Variants in SMIM40 observed in about 807,000 individuals in gnomAD.
SMIM40 encodes small integral membrane protein 40.
At chr6:33,324,947 T>C (rs1250708056) in intron 1 of SMIM40, among the ~76,000 whole-genome samples, 1 of 139,198 alleles carries the variant, frequency 7.2e-6, no homozygotes, top group Admixed American at 7.5e-5. Flanking sequence ...TCACCCAGGC[T>C]GGAATGCGGT....
intron 1 of SMIM40, 83 bp from the exon 2 acceptor site, chr6:33,324,113 A>G (rs1373158022): frequency 1.3e-5 from 2 of 152,148 alleles, no homozygotes; most frequent in Non-Finnish European, 2.9e-5. Flanking sequence ...TTGCCACTTA[A>G]CTAGGGTCAC....
intron 1 of SMIM40, among the ~76,000 whole-genome samples, chr6:33,324,545 C>CTTTTTTTTTTTTTTTTTTTTCTTTTTT (rs1771016693): frequency 1.6e-4 from 16 of 103,212 alleles, no homozygotes; most frequent in East Asian, 8.5e-4. Flanking sequence ...ACCACCTTTT[C>CTTTTTTTTTTTTTTTTTTTTCTTTTTT]TTTTTTTTTT....
intron 1 of SMIM40, among the ~76,000 whole-genome samples, chr6:33,325,037 G>A (rs1472013928): frequency 2.0e-5 from 3 of 151,632 alleles, no homozygotes; most frequent in Admixed American, 1.3e-4. Flanking sequence ...GACTACAGGC[G>A]CACACCACCT....
chr6:33,324,509 G>GTTTC (rs1392965137), intron 1 of SMIM40, among the ~76,000 whole-genome samples: 1 of 116,812 alleles, frequency 8.6e-6, no homozygotes, highest in African/African-American at 3.2e-5. Flanking sequence ...AATGTACCCT[G>GTTTC]TTTCTTTCAC....
chr6:33,327,106 A>G (rs1771244152), intron 1 of SMIM40, among the ~76,000 whole-genome samples: 1 of 147,770 alleles, frequency 6.8e-6, no homozygotes, highest in Non-Finnish European at 1.5e-5. Context: ...CATGGGCAAC[A>G]CAGAGAGACT....
At chr6:33,326,091 T>C (rs1771153014) in intron 1 of SMIM40, among the ~76,000 whole-genome samples, 1 of 148,776 alleles carries the variant, frequency 6.7e-6, no homozygotes, top group Non-Finnish European at 1.5e-5. Context: ...GGAGTAGTAG[T>C]AGGAGCTCAA....
intron 1 of SMIM40, among the ~76,000 whole-genome samples, chr6:33,326,112 G>A (rs1771154417): frequency 6.7e-6 from 1 of 148,890 alleles, no homozygotes; most frequent in Non-Finnish European, 1.5e-5. Context: ...GGAAAAAAGA[G>A]GTGATGAAAG....
At chr6:33,327,872 A>AAAAG (rs1348703463) in intron 1 of SMIM40, among the ~76,000 whole-genome samples, 2 of 150,146 alleles carry the variant, frequency 1.3e-5, no homozygotes, top group East Asian at 3.9e-4. Flanking sequence ...AAAAAAAAAA[A>AAAAG]AAAAAAAAGA....
At chr6:33,327,293 G>C (rs1011743256) in intron 1 of SMIM40, among the ~76,000 whole-genome samples, 1 of 148,974 alleles carries the variant, frequency 6.7e-6, no homozygotes, top group Non-Finnish European at 1.5e-5. Flanking sequence ...GTGGTGGCTC[G>C]CGCCTTTAGT....
At chr6:33,324,545 C>CTTTTTTTTTTTTTTTTTTTTCTTTTT (rs1771016693) in intron 1 of SMIM40, among the ~76,000 whole-genome samples, 75 of 103,210 alleles carry the variant, frequency 7.3e-4, no homozygotes, top group East Asian at 1.1e-3. Context: ...ACCACCTTTT[C>CTTTTTTTTTTTTTTTTTTTTCTTTTT]TTTTTTTTTT....
chr6:33,326,775 G>A lies in SMIM40; in HGVS notation c.*39+2212C>T, dbSNP rs563499856. ...GGAGGCAAAAGTTGCAGTGAGCCAA[G>A]ATCACGCCACTGCACTCCAGCCTGG... On this transcript the variant is annotated intron_variant, in intron 1 of 2. Transcript: ENST00000494082. Among the ~76,000 whole-genome samples the A allele has an allele frequency of 2.0e-5, 3 of 148,688 alleles. No individual in the cohort carries two copies. In the East Asian group the frequency reaches 5.9e-4, roughly 29 times the overall value.
chr6:33,328,514 T>G (rs1771352431), intron 1 of SMIM40, among the ~76,000 whole-genome samples: 1 of 151,924 alleles, frequency 6.6e-6, no homozygotes, highest in Non-Finnish European at 1.5e-5. Context: ...TGATGAAAAT[T>G]TTTAGATACC....
intron 1 of SMIM40, among the ~76,000 whole-genome samples, chr6:33,325,162 T>C (rs190682745): frequency 0.012 from 1,839 of 147,612 alleles, 153 homozygotes; most frequent in African/African-American, 0.045. Context: ...AGGTCGGAAG[T>C]TTGAGACCAG....
chr6:33,328,995 T>C lies in SMIM40; in HGVS notation c.*31A>G. The C allele has an allele frequency of 2.5e-6, 1 of 392,918 alleles. No homozygotes were observed. Among genetic ancestry groups the C allele is most frequent in the Non-Finnish European group, 4.5e-6 (1 of 222,862 alleles). 24.3% of individuals were successfully genotyped at this position (392,918 alleles called of 1,614,324 possible). Reference sequence around the variant, plus strand: ...CCTGTCTCCCCTCTCACCTCCTTGGTGGGGAAAGAAGATGTTTATAGGAAA... The same window carrying C: ...CCTGTCTCCCCTCTCACCTCCTTGGCGGGGAAAGAAGATGTTTATAGGAAA... On this transcript the variant is annotated 3_prime_UTR_variant, in exon 1 of 3. Coordinates refer to ENST00000494082, the MANE Select transcript of SMIM40 (RefSeq NM_001369203.1).
At chr6:33,328,190 A>T (rs1771330426) in intron 1 of SMIM40, among the ~76,000 whole-genome samples, 2 of 151,124 alleles carry the variant, frequency 1.3e-5, no homozygotes, top group Admixed American at 6.6e-5. Context: ...ATTTTTATTT[A>T]TTTATTTATT....
chr6:33,326,996 C>T (rs375193281), intron 1 of SMIM40, among the ~76,000 whole-genome samples: 21 of 147,684 alleles, frequency 1.4e-4, no homozygotes, highest in Admixed American at 4.7e-4. Context: ...TAGTGGCGGG[C>T]GCCTGTAGTC....
Position 33,327,519 on chromosome 6 carries a change from A to G in SMIM40, c.*39+1468T>C, listed in dbSNP as rs561351201. On this transcript the variant is annotated intron_variant, in intron 1 of 2. Transcript: ENST00000494082. Reference sequence around the variant, plus strand: ...TGAGGTGGGTGGATTGCTTGATCTCAGGATTACAGACCAGCCTAGGCAACA... The same window carrying G: ...TGAGGTGGGTGGATTGCTTGATCTCGGGATTACAGACCAGCCTAGGCAACA... Among the ~76,000 whole-genome samples, 50 of 149,684 alleles carry G rather than the reference A, an allele frequency of 3.3e-4. 1 individual carries two copies. The highest frequency in any genetic ancestry group is 5.9e-4 in the Admixed American group (9 of 15,208).
At chr6:33,326,238 G>A (rs1264301761) in intron 1 of SMIM40, among the ~76,000 whole-genome samples, 1 of 146,744 alleles carries the variant, frequency 6.8e-6, no homozygotes, top group Non-Finnish European at 1.5e-5. Flanking sequence ...TCTGCTTACT[G>A]CAACCTCCCA....
At chr6:33,325,041 A>G (rs1366416344) in intron 1 of SMIM40, among the ~76,000 whole-genome samples, 1 of 151,686 alleles carries the variant, frequency 6.6e-6, no homozygotes. Flanking sequence ...ACAGGCGCAC[A>G]CCACCTCACC....
Sources: allele counts gnomAD v4.1 joint callset (sites outside exome capture counted in the v4.1 genomes callset), GRCh38; gene constraint gnomAD v4.1.1; transcripts MANE v1.5; gene names NCBI Gene and HGNC (gene_info 2026-07-23, HGNC 2026-07-21).